MECOM: variants seen among roughly 807,000 people sequenced by gnomAD.
MECOM encodes the protein histone-lysine N-methyltransferase MECOM.
In MECOM, 13 loss-of-function variants were observed where a neutral mutation model predicts 116.3. The ratio of observed to expected loss-of-function variants is 0.11; its 90% CI spans 0.07 to 0.18. The LOEUF (loss-of-function observed/expected upper bound fraction) is 0.18. Among genes scored for constraint, MECOM ranks in the 10% least tolerant of loss-of-function variants. MECOM has a pLI of 1.00. For missense variants in MECOM, 1,299 were observed against 1,509.0 expected, an observed-to-expected ratio of 0.86 and a Z score of 2.31; for synonymous variants, 528 against 535.2, an observed-to-expected ratio of 0.99 and a Z score of 0.19.
intron 2 of MECOM, among the ~76,000 whole-genome samples, chr3:169,286,248 G>A (rs1016373106): frequency 2.0e-5 from 3 of 152,166 alleles, no homozygotes; most frequent in Admixed American, 6.5e-5. Flanking sequence ...TTAAATGAGA[G>A]AGGGACCCAG....
At position 169,127,868 on chromosome 3, in the gene MECOM, T is replaced by A. The variant is rs1007489122; in HGVS notation, c.806A>T (p.Asp269Val). The A allele has an allele frequency of 3.7e-6, 6 of 1,613,858 alleles. No homozygotes were observed. In the Admixed American group the frequency reaches 6.7e-5, roughly 18 times the overall value. Residue 269 changes from aspartate to valine, a missense_variant, in exon 5 of 17, where the codon GAC (aspartate) becomes GTC (valine). By Grantham distance (152) the Asp-to-Val change is radical (BLOSUM62 -3). Transcript: ENST00000651503. ...CCTTTGCAAATCAGGAAAAACTTGGTCACATTCCTTACACTCCTGGATCGT... is the reference window on the plus strand; with the variant it reads ...CCTTTGCAAATCAGGAAAAACTTGGACACATTCCTTACACTCCTGGATCGT... The part of the protein sequence containing the change: ...IHTIQECKEC[D>V]QVFPDLQSLE...
chr3:169,087,435 C>T (rs1196945573), intron 16 of MECOM, among the ~76,000 whole-genome samples: 1 of 151,782 alleles, frequency 6.6e-6, no homozygotes, highest in East Asian at 1.9e-4. Flanking sequence ...CATCTCTACA[C>T]AAAATTGAAA....
At chr3:169,123,981 T>A (rs1009034908) in intron 5 of MECOM, among the ~76,000 whole-genome samples, 1 of 152,142 alleles carries the variant, frequency 6.6e-6, no homozygotes, top group African/African-American at 2.4e-5. Context: ...TTTTCCTATG[T>A]AAACTGCACT....
chr3:169,282,538 T>C lies in MECOM; in HGVS notation c.375+98649A>G, dbSNP rs552367299. ...ATAGACCACTTTTATTTAGCAGCTG[T>C]AAAGGAAAGAGAAAGTATTTGTTTA... On this transcript the variant is annotated intron_variant, in intron 2 of 16. Transcript: ENST00000651503. Among the ~76,000 whole-genome samples, 3 of 152,300 alleles carry C rather than the reference T, an allele frequency of 2.0e-5. No individual in the cohort carries two copies. In the South Asian group the frequency reaches 6.2e-4, roughly 32 times the overall value.
chr3:169,643,442 C>T (rs1773752752), intron 1 of MECOM, among the ~76,000 whole-genome samples: 1 of 152,202 alleles, frequency 6.6e-6, no homozygotes, highest in South Asian at 2.1e-4. Context: ...TTCTGCTGCA[C>T]ATCTGTTTTT....
At chr3:169,391,732 G>T (rs1218651788) in intron 1 of MECOM, among the ~76,000 whole-genome samples, 1 of 152,142 alleles carries the variant, frequency 6.6e-6, no homozygotes, top group Admixed American at 6.6e-5. Flanking sequence ...CACAAGCTAG[G>T]TATTTAAGGG....
At chr3:169,474,846 G>T (rs2108812980) in intron 1 of MECOM, among the ~76,000 whole-genome samples, 1 of 152,158 alleles carries the variant, frequency 6.6e-6, no homozygotes. Context: ...CATTATGATG[G>T]TATCTAATCA....
intron 1 of MECOM, among the ~76,000 whole-genome samples, chr3:169,606,066 T>A (rs1265814760): frequency 6.6e-6 from 1 of 152,180 alleles, no homozygotes; most frequent in Non-Finnish European, 1.5e-5. Context: ...CTAGCCCAGA[T>A]GCCTTATGGT....
At chr3:169,276,552 C>CAA (rs58452538) in intron 2 of MECOM, among the ~76,000 whole-genome samples, 310 of 46,610 alleles carry the variant, frequency 6.7e-3, no homozygotes, top group Middle Eastern at 0.012. Flanking sequence ...GACTCTGCCT[C>CAA]AAAAAAAAAA....
At chr3:169,591,520 T>A (rs1766408637) in intron 1 of MECOM, among the ~76,000 whole-genome samples, 2 of 152,156 alleles carry the variant, frequency 1.3e-5, no homozygotes, top group Non-Finnish European at 2.9e-5. Flanking sequence ...GGTTTTTTGC[T>A]CCATGTTACA....
intron 2 of MECOM, among the ~76,000 whole-genome samples, chr3:169,378,341 G>A: frequency 7.1e-6 from 1 of 140,764 alleles, no homozygotes; most frequent in African/African-American, 2.7e-5. Context: ...GAAAGAAAAA[G>A]GAAGGAAAGA....
At chr3:169,550,785 T>C (rs1047330167) in intron 1 of MECOM, among the ~76,000 whole-genome samples, 1 of 151,916 alleles carries the variant, frequency 6.6e-6, no homozygotes, top group Non-Finnish European at 1.5e-5. Flanking sequence ...GGAAAACAAA[T>C]GTGGTCTTTA....
rs1220304178 is a variant in MECOM at position 169,102,072 on chromosome 3, C to T, written c.2759G>A (p.Arg920His). ...ACTGTGCAGTTACCTGCAGGTATAG[C>T]GCTCCTTTCCCTTCCGCAGAAGGTT... is the stretch of plus-strand genomic sequence containing the variant. ...PENLLRKGKE[R>H]YTCRYCGKIF... The change falls in exon 11 of 17, where the codon CGC becomes CAC. Residue 920 changes from arginine to histidine, a missense_variant. By Grantham distance (29) the Arg-to-His change is conservative. Around this residue, in one of 6 missense-constraint regions of MECOM, gnomAD observed 340 missense variants for 312.6 expected, o/e 1.09. Transcript: ENST00000651503. The T allele has an allele frequency of 3.7e-6, 6 of 1,612,236 alleles. No individual in the cohort carries two copies. Among genetic ancestry groups the T allele is most frequent in the African/African-American group, 1.3e-5 (1 of 74,832 alleles).
At chr3:169,355,684 C>T (rs1238795075) in intron 2 of MECOM, among the ~76,000 whole-genome samples, 5 of 151,832 alleles carry the variant, frequency 3.3e-5, no homozygotes, top group East Asian at 1.9e-4. Flanking sequence ...CATTTTTGCT[C>T]AATTAACTAT....
chr3:169,122,049 G>C (rs9838004), intron 6 of MECOM, among the ~76,000 whole-genome samples: 43,704 of 152,034 alleles, frequency 0.29, 6,419 homozygotes, highest in African/African-American at 0.32. Flanking sequence ...TCTAAGTTGA[G>C]TACTTCCATA....
chr3:169,194,055 T>TAATG (rs1286484331), intron 2 of MECOM, among the ~76,000 whole-genome samples: 2 of 152,086 alleles, frequency 1.3e-5, no homozygotes, highest in African/African-American at 2.4e-5. Context: ...TTTTATTGAA[T>TAATG]AATGACTCAT....
intron 2 of MECOM, among the ~76,000 whole-genome samples, chr3:169,338,488 T>G (rs1433241987): frequency 1.3e-5 from 2 of 152,054 alleles, no homozygotes; most frequent in Admixed American, 1.3e-4. Flanking sequence ...TGAATTGAAA[T>G]GGTGTGAACT....
intron 2 of MECOM, among the ~76,000 whole-genome samples, chr3:169,158,056 A>C (rs1294576551): frequency 6.7e-6 from 1 of 149,408 alleles, no homozygotes; most frequent in East Asian, 1.9e-4. Context: ...ATACAATTTT[A>C]TATTCCTCCA....
intron 2 of MECOM, among the ~76,000 whole-genome samples, chr3:169,316,006 G>A (rs1719680354): frequency 6.6e-6 from 1 of 152,080 alleles, no homozygotes; most frequent in African/African-American, 2.4e-5. Context: ...TATTCAACAA[G>A]AGCCTGTGCT....
Sources: gnomAD v4.1 joint callset for allele counts (sites outside exome capture counted in the v4.1 genomes callset) on GRCh38, gnomAD v4.1.1 for gene constraint, gnomAD v4.1.1 regional missense constraint, MANE v1.5 for transcripts, NCBI Gene and HGNC (gene_info 2026-07-23, HGNC 2026-07-21) for gene names.